Variants in THBS4 observed in about 807,000 individuals in gnomAD.
THBS4 encodes thrombospondin-4.
In THBS4, 90 loss-of-function variants were observed where a neutral mutation model predicts 115.7. The ratio of observed to expected loss-of-function variants is 0.78; its 90% CI spans 0.66 to 0.93. THBS4 has a LOEUF of 0.93. Among genes scored for constraint, THBS4 ranks in the 40% least tolerant of loss-of-function variants. The pLI, the probability that THBS4 is intolerant of heterozygous loss-of-function variation, is 0.00. For missense variants in THBS4, 1,087 were observed against 1,232.7 expected, an observed-to-expected ratio of 0.88 and a Z score of 1.77; for synonymous variants, 460 against 479.3, an observed-to-expected ratio of 0.96 and a Z score of 0.53.
intron 2 of THBS4, among the ~76,000 whole-genome samples, chr5:80,009,535 G>C (rs1460545094): frequency 6.6e-6 from 1 of 152,074 alleles, no homozygotes; most frequent in Non-Finnish European, 1.5e-5. Flanking sequence ...GTTGTGTAGT[G>C]AGAGTCACTA....
intron 2 of THBS4, among the ~76,000 whole-genome samples, chr5:80,006,202 C>T (rs1174294971): frequency 6.6e-6 from 1 of 152,168 alleles, no homozygotes; most frequent in Non-Finnish European, 1.5e-5. Context: ...TGGTCAGCTT[C>T]CCTCTTGATA....
chr5:79,995,008 T>G (rs1421383662), intron 1 of THBS4, among the ~76,000 whole-genome samples: 2 of 152,180 alleles, frequency 1.3e-5, no homozygotes, highest in African/African-American at 4.8e-5. Context: ...ATATGGGCTG[T>G]GCTATATAAG....
intron 2 of THBS4, chr5:80,052,333 G>C (rs534131523): frequency 6.6e-6 from 1 of 152,000 alleles, no homozygotes; most frequent in Admixed American, 6.6e-5. Flanking sequence ...GGGTACATGT[G>C]AATTCTCAAC....
chr5:80,049,831 G>A (rs1392912095), intron 2 of THBS4, among the ~76,000 whole-genome samples: 1 of 152,120 alleles, frequency 6.6e-6, no homozygotes, highest in Non-Finnish European at 1.5e-5. Flanking sequence ...CTTTGAGGAG[G>A]CAATAACGAT....
chr5:80,026,775 C>G (rs1193872478), intron 2 of THBS4, among the ~76,000 whole-genome samples: 1 of 152,232 alleles, frequency 6.6e-6, no homozygotes, highest in Non-Finnish European at 1.5e-5. Context: ...TTGCCAGTCC[C>G]TGGTCTAAAA....
Position 80,035,527 on chromosome 5 carries a change from G to A in THBS4, c.-11G>A. On this transcript the variant is annotated 5_prime_UTR_variant, in exon 1 of 22. Transcript: ENST00000350881. This position sits in a 1 kb window ranked among gnomAD's most constrained non-coding sequence, Gnocchi z 4.6. ...TCGCCCCCGGCCTCGCGGGGAGCAG[G>A]AAGAGCCAACATGCTGGCCCCGCGC... The A allele has an allele frequency of 1.5e-6, 2 of 1,363,922 alleles. No homozygotes were observed. The highest frequency in any genetic ancestry group is 3.2e-5 in the Admixed American group (1 of 31,120). The allele number at this position is 1,363,922 out of a possible 1,614,324, so 84.5% of individuals were successfully genotyped here.
chr5:80,016,339 C>G (rs1369426382), intron 2 of THBS4, among the ~76,000 whole-genome samples: 2 of 152,154 alleles, frequency 1.3e-5, no homozygotes, highest in African/African-American at 2.4e-5. Flanking sequence ...CCCATTGTTG[C>G]CTTCCTCCCA....
chr5:80,040,125 T>G lies in THBS4; in HGVS notation c.137T>G (p.Leu46Arg), dbSNP rs1185058439. 6.2e-7 allele frequency: 1 copy of G among 1,614,028 alleles called. No individual in the cohort carries two copies. The highest frequency in any genetic ancestry group is 1.7e-5 in the Admixed American group (1 of 59,990). The change falls in exon 2 of 22, where the codon CTG (leucine) becomes CGG (arginine). Residue 46 changes from leucine to arginine, a missense_variant. Physicochemically the swap from Leu to Arg is moderately radical, Grantham distance 102. This residue lies in a region of THBS4 where 979 missense variants were observed against 1,103.7 expected (regional missense o/e 0.89). Transcript: ENST00000350881. ...SSSQRLNPGA[L>R]LPVLTDPALN... ...AGTCAGAGGCTAAACCCAGGCGCTC[T>G]GCTGCCAGTCCTGACAGACCCCGCC...
chr5:80,019,745 G>T, intron 2 of THBS4: 1 of 194,730 alleles, frequency 5.1e-6, no homozygotes. Flanking sequence ...AGGAATCACA[G>T]CATGGATCTG....
intron 4 of THBS4, 26 bp from the exon 5 acceptor site, chr5:80,058,682 C>G: frequency 6.2e-7 from 1 of 1,611,198 alleles, no homozygotes. Context: ...TGGCTGAAAA[C>G]TCTTTGCCTT....
intron 2 of THBS4, among the ~76,000 whole-genome samples, chr5:80,045,723 G>T (rs1166571275): frequency 6.6e-6 from 1 of 151,996 alleles, no homozygotes; most frequent in African/African-American, 2.4e-5. Flanking sequence ...TAGAGACAGG[G>T]TTTCTCCATG....
intron 13 of THBS4, chr5:80,071,751 T>A (rs1834069159): frequency 6.0e-6 from 1 of 166,284 alleles, no homozygotes; most frequent in African/African-American, 2.4e-5. Flanking sequence ...GCCTAACTGA[T>A]GACCCATTTC....
rs79846310 is a variant in THBS4, at chr5:80,002,062, G to C, written n.177+3635G>C. On this transcript the variant is annotated intron_variant and non_coding_transcript_variant, in intron 2 of 3. Transcript: ENST00000510218. The stretch of plus-strand genomic sequence containing the variant: ...TATCTCTATTTTCAATTTGAACTTT[G>C]AGTCCAATGATTAGACATTTTCTAG... Among the ~76,000 whole-genome samples the C allele has an allele frequency of 5.4e-3, 823 of 152,158 alleles. 6 individuals are homozygous for C. Among genetic ancestry groups the C allele is most frequent in the African/African-American group, 0.019 (781 of 41,502 alleles).
chr5:80,073,062 C>T (rs1742979392), intron 14 of THBS4, among the ~76,000 whole-genome samples: 1 of 152,198 alleles, frequency 6.6e-6, no homozygotes, highest in Non-Finnish European at 1.5e-5. Context: ...GTGTGGGCAG[C>T]CCATCCATGT....
chr5:80,076,584 C>T (rs384941), intron 15 of THBS4, among the ~76,000 whole-genome samples: 85,073 of 151,924 alleles, frequency 0.56, 24,207 homozygotes, highest in Middle Eastern at 0.66. Flanking sequence ...CAGGGACTGA[C>T]TGATAGGAGC....
Position 80,078,203 on chromosome 5 carries a change from T to C in THBS4, c.2241T>C (p.Asp747=), listed in dbSNP as rs1743312345. 1 of 1,601,898 alleles carries C rather than the reference T, an allele frequency of 6.2e-7. No individual in the cohort carries two copies. Among genetic ancestry groups the C allele is most frequent in the Non-Finnish European group, 8.5e-7 (1 of 1,171,600 alleles). The change falls in exon 17 of 22, where the codon GAT becomes GAC. Residue 747 remains aspartate (D), a synonymous_variant. Transcript: ENST00000350881. ...ATCCTGAAGGGGATGCCCAGATCGA[T>C]CCCAACTGGGTGGTCCTGAACCAGG... is the stretch of plus-strand genomic sequence containing the variant. ...VLDPEGDAQI[D]PNWVVLNQGM...
Position 80,025,480 on chromosome 5 carries a change from A to C in THBS4, n.178-14597A>C, listed in dbSNP as rs1268647753. ...GCAGCCCTCAGAGAACTAGCCCCAA[A>C]GCCCATGACCCCACAAGCAACTTTA... On this transcript the variant is annotated intron_variant and non_coding_transcript_variant, in intron 2 of 3. Coordinates refer to the THBS4 transcript ENST00000510218. Among the ~76,000 whole-genome samples the C allele has an allele frequency of 2.0e-5, 3 of 152,190 alleles. No homozygotes were observed. The East Asian group carries it at 5.8e-4, about 29-fold the overall frequency.
At chr5:80,016,854 C>T (rs1411381167) in intron 2 of THBS4, among the ~76,000 whole-genome samples, 1 of 152,202 alleles carries the variant, frequency 6.6e-6, no homozygotes, top group Non-Finnish European at 1.5e-5. Flanking sequence ...ACCCATACCA[C>T]ACTCCCTGTG....
chr5:80,073,446 C>T lies in THBS4; in HGVS notation c.1892+119C>T, dbSNP rs943947062. The T allele has an allele frequency of 4.6e-6, 4 of 866,182 alleles. No individual in the cohort carries two copies. The African/African-American group carries it at 5.1e-5, about 11-fold the overall frequency. 53.7% of individuals were successfully genotyped at this position (866,182 alleles called of 1,614,324 possible). On this transcript the variant is annotated intron_variant, in intron 15 of 21. Transcript: ENST00000350881. ...TCACCCAGGCTGGAGTACAGTGGTG[C>T]AATCTCGGCTCACTGCAAGCTCCGA...
Sources: allele counts gnomAD v4.1 joint callset (sites outside exome capture counted in the v4.1 genomes callset), GRCh38; gene constraint gnomAD v4.1.1; regional missense constraint gnomAD v4.1.1; non-coding constraint Gnocchi (gnomAD v3.1); transcripts MANE v1.5; gene names NCBI Gene and HGNC (gene_info 2026-07-23, HGNC 2026-07-21).